The following IGFL2 variants were observed in gnomAD, a reference collection of about 807,000 sequenced individuals.
IGFL2 encodes the protein insulin growth factor-like family member 2.
IGFL2 carries 7 observed loss-of-function variants against 13.9 expected under a neutral mutation model. The ratio of observed to expected loss-of-function variants is 0.51; its 90% CI spans 0.29 to 0.95. The LOEUF (loss-of-function observed/expected upper bound fraction) is 0.95. Among genes scored for constraint, IGFL2 ranks in the 40% least tolerant of loss-of-function variants. The pLI is 0.08. For missense variants in IGFL2, 138 were observed against 147.8 expected (o/e 0.93, Z 0.34); for synonymous variants, 55 against 55.8 (o/e 0.99, Z 0.07).
chr19:46,185,070 C>G, the IGFL2 span, among the ~76,000 whole-genome samples: 12 of 151,698 alleles, frequency 7.9e-5, no homozygotes, highest in Middle Eastern at 3.4e-3. Flanking sequence ...CTGTACATGT[C>G]CTTTGCCTAC....
chr19:46,122,873 C>T, the IGFL2 span, among the ~76,000 whole-genome samples: 1 of 150,680 alleles, frequency 6.6e-6, no homozygotes, highest in Non-Finnish European at 1.5e-5. Context: ...TTTTGTATTC[C>T]TAGTCTACTT....
At chr19:46,130,887 A>C in the IGFL2 span, among the ~76,000 whole-genome samples, 1 of 152,128 alleles carries the variant, frequency 6.6e-6, no homozygotes, top group Non-Finnish European at 1.5e-5. Flanking sequence ...TTTGTTTCTC[A>C]GTAATGCTGG....
At chr19:46,079,619 T>G in the IGFL2 span, among the ~76,000 whole-genome samples, 1 of 152,188 alleles carries the variant, frequency 6.6e-6, no homozygotes, top group African/African-American at 2.4e-5. Flanking sequence ...CGCCTGTACC[T>G]GAATGGCAGG....
chr19:46,168,037 A>G, the IGFL2 span, among the ~76,000 whole-genome samples: 1 of 152,222 alleles, frequency 6.6e-6, no homozygotes, highest in Admixed American at 6.5e-5. Context: ...AGAAGGAGGA[A>G]AGGCTAAAAC....
At chr19:46,087,587 C>T in the IGFL2 span, among the ~76,000 whole-genome samples, 1 of 152,222 alleles carries the variant, frequency 6.6e-6, no homozygotes, top group African/African-American at 2.4e-5. Flanking sequence ...GCACTGCGGC[C>T]ATGCTACTGG....
intron 1 of IGFL2, among the ~76,000 whole-genome samples, chr19:46,151,541 G>T (rs1973492644): frequency 6.6e-6 from 1 of 152,190 alleles, no homozygotes; most frequent in Non-Finnish European, 1.5e-5. Context: ...CTACAATTTT[G>T]TTCTTTTTCA....
At chr19:46,110,497 G>A in the IGFL2 span, among the ~76,000 whole-genome samples, 5 of 152,112 alleles carry the variant, frequency 3.3e-5, no homozygotes, top group African/African-American at 9.7e-5. Flanking sequence ...CTCATTGCTT[G>A]TTTCATATCA....
the IGFL2 span, chr19:46,195,102 A>C: frequency 6.8e-5 from 10 of 146,562 alleles, no homozygotes; most frequent in African/African-American, 2.3e-4. Flanking sequence ...TACAACCTCC[A>C]CCTCCCGGGT....
At chr19:46,212,324 C>G in the IGFL2 span, 3 of 152,390 alleles carry the variant, frequency 2.0e-5, no homozygotes, top group African/African-American at 7.2e-5. Flanking sequence ...AAGCCCCTGT[C>G]CATGCTCCCC....
chr19:46,198,988 C>T, the IGFL2 span, among the ~76,000 whole-genome samples: 1 of 152,198 alleles, frequency 6.6e-6, no homozygotes, highest in Admixed American at 6.5e-5. Flanking sequence ...AAGGCCCCCA[C>T]GGTTTCACAT....
chr19:46,134,287 A>G, the IGFL2 span, among the ~76,000 whole-genome samples: 3 of 152,170 alleles, frequency 2.0e-5, no homozygotes, highest in Non-Finnish European at 4.4e-5. Flanking sequence ...ATGTTGTAGT[A>G]CAGCAGTCCC....
chr19:46,104,821 AC>A, the IGFL2 span, among the ~76,000 whole-genome samples: 1 of 152,284 alleles, frequency 6.6e-6, no homozygotes, highest in Admixed American at 6.5e-5. Flanking sequence ...GTGGCTTGTA[AC>A]CTACATGGAA....
the IGFL2 span, among the ~76,000 whole-genome samples, chr19:46,114,393 T>C: frequency 6.6e-6 from 1 of 152,244 alleles, no homozygotes; most frequent in Non-Finnish European, 1.5e-5. Context: ...GAAGTGATGG[T>C]GGCTGACTTC....
chr19:46,124,108 C>T, the IGFL2 span: 2 of 1,611,360 alleles, frequency 1.2e-6, no homozygotes, highest in Non-Finnish European at 1.7e-6. Flanking sequence ...CTTGTTCCCA[C>T]ACCTGGGTGT....
At chr19:46,097,769 G>A in the IGFL2 span, among the ~76,000 whole-genome samples, 1 of 152,174 alleles carries the variant, frequency 6.6e-6, no homozygotes, top group Non-Finnish European at 1.5e-5. Context: ...TGTTTACCCA[G>A]GAGTCATTCA....
At chr19:46,128,641 T>C in the IGFL2 span, among the ~76,000 whole-genome samples, 1 of 152,232 alleles carries the variant, frequency 6.6e-6, no homozygotes. Flanking sequence ...CTGCAATGAA[T>C]CACATTTATT....
the IGFL2 span, among the ~76,000 whole-genome samples, chr19:46,080,568 G>T: frequency 6.6e-6 from 1 of 152,164 alleles, no homozygotes; most frequent in Admixed American, 6.5e-5. Flanking sequence ...CTTTGTATCT[G>T]TGTAAATCAT....
chr19:46,129,099 G>C, the IGFL2 span, among the ~76,000 whole-genome samples: 1 of 152,010 alleles, frequency 6.6e-6, no homozygotes, highest in African/African-American at 2.4e-5. Context: ...AAATATATCA[G>C]TTTCTTGTAG....
chr19:46,088,915 G>A, the IGFL2 span, among the ~76,000 whole-genome samples: 1 of 152,152 alleles, frequency 6.6e-6, no homozygotes, highest in East Asian at 1.9e-4. Flanking sequence ...ATAAAGGATT[G>A]AAATAGGAAA....
Sources: gnomAD v4.1 joint callset for allele counts (sites outside exome capture counted in the v4.1 genomes callset) on GRCh38, gnomAD v4.1.1 for gene constraint, MANE v1.5 for transcripts, NCBI Gene and HGNC (gene_info 2026-07-23, HGNC 2026-07-21) for gene names.